Variants in SEMA3C observed in about 807,000 individuals in gnomAD.
SEMA3C encodes semaphorin 3C.
In SEMA3C, 47 loss-of-function variants were observed where a neutral mutation model predicts 89.4. That is an observed-to-expected ratio of 0.53 (90% CI 0.42 to 0.67). The LOEUF is 0.67. SEMA3C is among the 30% of genes least tolerant of loss of function. SEMA3C has a pLI of 0.00. For synonymous variants in SEMA3C, 310 were observed against 320.2 expected, an observed-to-expected ratio of 0.97 and a Z score of 0.34; for missense variants, 839 against 929.1, an observed-to-expected ratio of 0.90 and a Z score of 1.26.
chr7:80,805,589 A>G (rs1326394283), intron 7 of SEMA3C, 50 bp downstream of exon 7: 1 of 1,513,442 alleles, frequency 6.6e-7, no homozygotes, highest in East Asian at 2.3e-5. Context: ...GAATTAAATA[A>G]GTTAGTTTAA....
intron 2 of SEMA3C, among the ~76,000 whole-genome samples, chr7:80,849,678 TA>T (rs1406189389): frequency 2.0e-5 from 3 of 152,148 alleles, no homozygotes; most frequent in Non-Finnish European, 2.9e-5. Flanking sequence ...AGTTTAAGTA[TA>T]AAGTTATACA....
intron 12 of SEMA3C, among the ~76,000 whole-genome samples, chr7:80,787,446 A>T (rs1436065057): frequency 4.6e-5 from 7 of 151,746 alleles, no homozygotes; most frequent in Non-Finnish European, 8.8e-5. Flanking sequence ...CCCTCAGGGA[A>T]TACCCACATT....
rs376086416 is a variant in SEMA3C at position 80,805,766 on chromosome 7, A to G, written c.539-8T>C. ...CAGAGAAAAGCTCCTCATCTATGAAAAAGAAAATATCAATGAAATGTAAAT... is the reference window on the plus strand; with the variant it reads ...CAGAGAAAAGCTCCTCATCTATGAAGAAGAAAATATCAATGAAATGTAAAT... On this transcript the variant is annotated splice_region_variant and splice_polypyrimidine_tract_variant and intron_variant, in intron 6 of 17. Coordinates refer to ENST00000265361, the MANE Select transcript of SEMA3C (RefSeq NM_006379.5). The G allele has an allele frequency of 5.1e-6, 8 of 1,571,134 alleles. No homozygotes were observed. The African/African-American group carries it at 6.8e-5, about 13-fold the overall frequency.
intron 4 of SEMA3C, among the ~76,000 whole-genome samples, chr7:80,826,880 C>T (rs1362190312): frequency 6.6e-6 from 1 of 152,128 alleles, no homozygotes; most frequent in Admixed American, 6.6e-5. Flanking sequence ...TTGAATCTCA[C>T]CTAGAGGAAT....
Position 80,818,533 on chromosome 7 carries a change from T to C in SEMA3C, c.328-115A>G, listed in dbSNP as rs576402619. On this transcript the variant is annotated intron_variant, in intron 4 of 17. Coordinates refer to ENST00000265361, the MANE Select transcript of SEMA3C (RefSeq NM_006379.5). ...AGTAACAATGAGGTGACATAAACTT[T>C]TGATGTATTAGTCCAGGGGCGTCCA... The C allele has an allele frequency of 2.4e-4, 295 of 1,216,534 alleles. 4 individuals are homozygous for C. In the East Asian group the frequency reaches 7.5e-3, roughly 31 times the overall value. The allele number at this position is 1,216,534 out of a possible 1,614,324, so 75.4% of individuals were successfully genotyped here.
rs1468994805 is a variant in SEMA3C, at chr7:80,888,457, C to T, written c.103+28222G>A. On this transcript the variant is annotated intron_variant, in intron 2 of 17. Transcript: ENST00000265361. ...CCAGTCTAGGTGATGGGAGTGAGACCCTGTCTAAAAATAAATAAATAAATA... is the reference window on the plus strand; with the variant it reads ...CCAGTCTAGGTGATGGGAGTGAGACTCTGTCTAAAAATAAATAAATAAATA... 2.6e-5 allele frequency among the ~76,000 whole-genome samples: 4 copies of T among 151,692 alleles called. No homozygotes were observed. The East Asian group carries it at 7.7e-4, about 29-fold the overall frequency.
intron 10 of SEMA3C, among the ~76,000 whole-genome samples, chr7:80,799,296 A>G (rs1162412535): frequency 6.6e-6 from 1 of 152,170 alleles, no homozygotes; most frequent in Non-Finnish European, 1.5e-5. Flanking sequence ...TAAAGAAAAA[A>G]AACAGCTAAA....
intron 17 of SEMA3C, among the ~76,000 whole-genome samples, chr7:80,748,278 TA>T (rs1343130313): frequency 2.0e-5 from 3 of 152,216 alleles, no homozygotes; most frequent in South Asian, 2.1e-4. Flanking sequence ...CTCCCTTATT[TA>T]AAAAAACCCA....
At chr7:80,828,496 A>C in intron 3 of SEMA3C, 89 bp downstream of exon 3, 1 of 1,064,192 alleles carries the variant, frequency 9.4e-7, no homozygotes, top group Non-Finnish European at 1.3e-6. Flanking sequence ...TGTTCTAATA[A>C]AATGCATATT....
At chr7:80,856,793 T>C (rs1193669900) in intron 2 of SEMA3C, among the ~76,000 whole-genome samples, 1 of 152,138 alleles carries the variant, frequency 6.6e-6, no homozygotes, top group African/African-American at 2.4e-5. Context: ...GGACCTAATC[T>C]TAAATCTGGG....
At chr7:80,898,295 AAC>A (rs980103516) in intron 2 of SEMA3C, among the ~76,000 whole-genome samples, 3 of 152,016 alleles carry the variant, frequency 2.0e-5, no homozygotes, top group African/African-American at 7.2e-5. Flanking sequence ...GAACCCAGGA[AAC>A]AGAGGTTGCA....
At chr7:80,812,525 G>A (rs1789491443) in intron 5 of SEMA3C, among the ~76,000 whole-genome samples, 1 of 152,120 alleles carries the variant, frequency 6.6e-6, no homozygotes, top group Non-Finnish European at 1.5e-5. Context: ...AGACTGATTT[G>A]ACCAAATAAG....
intron 4 of SEMA3C, among the ~76,000 whole-genome samples, chr7:80,823,849 T>G (rs1240805710): frequency 6.6e-6 from 1 of 152,186 alleles, no homozygotes; most frequent in Non-Finnish European, 1.5e-5. Context: ...AAGCTCAATT[T>G]ATTTAGAGTA....
At chr7:80,921,046 G>A (rs952645439), upstream of SEMA3C, among the ~76,000 whole-genome samples, 3 of 152,118 alleles carry the variant, frequency 2.0e-5, no homozygotes, top group Middle Eastern at 3.2e-3. Context: ...AGAAAACCAC[G>A]ATAAAGAGTT....
At chr7:80,804,644 A>C (rs1437833105) in intron 7 of SEMA3C, among the ~76,000 whole-genome samples, 1 of 152,168 alleles carries the variant, frequency 6.6e-6, no homozygotes, top group Non-Finnish European at 1.5e-5. Flanking sequence ...ACTCTGAAAA[A>C]CATGACTTTT....
intron 15 of SEMA3C, among the ~76,000 whole-genome samples, chr7:80,756,299 T>C (rs1391217110): frequency 6.6e-6 from 1 of 152,112 alleles, no homozygotes; most frequent in Non-Finnish European, 1.5e-5. Flanking sequence ...ATCAATAGAT[T>C]CTGTGAGCTG....
At chr7:80,764,124 T>C (rs893803202) in intron 13 of SEMA3C, among the ~76,000 whole-genome samples, 3 of 152,216 alleles carry the variant, frequency 2.0e-5, no homozygotes, top group African/African-American at 7.2e-5. Flanking sequence ...GTCAGTATTT[T>C]TGGTGACCGT....
chr7:80,760,867 T>C (rs946868344), intron 14 of SEMA3C, among the ~76,000 whole-genome samples: 1 of 152,180 alleles, frequency 6.6e-6, no homozygotes, highest in South Asian at 2.1e-4. Flanking sequence ...TGCAAATGCA[T>C]GCCAAGCCTA....
chr7:80,899,381 A>T (rs80203027), intron 2 of SEMA3C, among the ~76,000 whole-genome samples: 1 of 152,214 alleles, frequency 6.6e-6, no homozygotes, highest in South Asian at 2.1e-4. Context: ...GTAGACAAAG[A>T]CAAAAGTAAA....
Sources: gnomAD v4.1 joint callset for allele counts (sites outside exome capture counted in the v4.1 genomes callset) on GRCh38, gnomAD v4.1.1 for gene constraint, MANE v1.5 for transcripts, NCBI Gene and HGNC (gene_info 2026-07-23, HGNC 2026-07-21) for gene names.